Variants in CNTNAP4 observed in about 807,000 individuals in gnomAD.
CNTNAP4 encodes contactin associated protein family member 4.
A neutral mutation model predicts 148.4 loss-of-function variants in CNTNAP4; 98 were observed. The observed-to-expected ratio is 0.66, with a 90% CI of 0.56 to 0.78. The LOEUF is 0.78. Ranked by LOEUF, CNTNAP4 falls within the 30% of genes least tolerant of loss-of-function variation. The pLI is 0.00. For missense variants in CNTNAP4, 1,935 were observed against 1,565.6 expected (o/e 1.24, Z -3.98); for synonymous variants, 730 against 565.1 (o/e 1.29, Z -4.14).
At chr16:76,308,895 G>A (rs779879066) in intron 1 of CNTNAP4, among the ~76,000 whole-genome samples, 1 of 152,008 alleles carries the variant, frequency 6.6e-6, no homozygotes, top group Non-Finnish European at 1.5e-5. Context: ...TGCGATCATA[G>A]CTCAGGGCAG....
At chr16:76,361,614 T>C (rs2013448218) in intron 3 of CNTNAP4, among the ~76,000 whole-genome samples, 1 of 152,164 alleles carries the variant, frequency 6.6e-6, no homozygotes, top group South Asian at 2.1e-4. Context: ...AATGATGCAA[T>C]GAGTATGAGG....
intron 2 of CNTNAP4, among the ~76,000 whole-genome samples, chr16:76,319,337 G>A (rs569714627): frequency 3.9e-5 from 6 of 152,210 alleles, no homozygotes; most frequent in African/African-American, 1.2e-4. Context: ...GGTAACGTGA[G>A]CCAAGATTGT....
chr16:76,327,454 T>C (rs1443297172), intron 2 of CNTNAP4, among the ~76,000 whole-genome samples: 1 of 152,208 alleles, frequency 6.6e-6, no homozygotes, highest in Non-Finnish European at 1.5e-5. Context: ...CAGTCCATCA[T>C]TGATGGGTAC....
intron 3 of CNTNAP4, among the ~76,000 whole-genome samples, chr16:76,421,804 T>G (rs765721949): frequency 3.9e-5 from 6 of 152,148 alleles, no homozygotes; most frequent in Non-Finnish European, 8.8e-5. Flanking sequence ...TTTTCATGTT[T>G]CCCTGTTTCT....
At chr16:76,537,127 T>G (rs915040155) in intron 18 of CNTNAP4, among the ~76,000 whole-genome samples, 2 of 152,230 alleles carry the variant, frequency 1.3e-5, no homozygotes, top group African/African-American at 4.8e-5. Flanking sequence ...TAAGACCACT[T>G]CATTAAAATA....
At chr16:76,554,089 C>T (rs1299044394) in intron 23 of CNTNAP4, among the ~76,000 whole-genome samples, 182 bp downstream of exon 23, 1 of 152,232 alleles carries the variant, frequency 6.6e-6, no homozygotes, top group Admixed American at 6.5e-5. Context: ...TCTGAATTCT[C>T]TGCTTCCTTG....
intron 3 of CNTNAP4, among the ~76,000 whole-genome samples, chr16:76,421,840 C>T (rs545856942): frequency 6.6e-6 from 1 of 152,184 alleles, no homozygotes; most frequent in Admixed American, 6.6e-5. Context: ...TGGTGCTGCT[C>T]TTTATTTGGA....
intron 4 of CNTNAP4, among the ~76,000 whole-genome samples, chr16:76,440,551 A>G (rs2079993252): frequency 6.6e-6 from 1 of 152,126 alleles, no homozygotes; most frequent in South Asian, 2.1e-4. Context: ...GTACAATTCA[A>G]TATGCAATGG....
At chr16:76,299,381 G>A (rs958793190) in intron 1 of CNTNAP4, among the ~76,000 whole-genome samples, 18 of 152,296 alleles carry the variant, frequency 1.2e-4, no homozygotes, top group African/African-American at 4.3e-4. Context: ...GCAGCCGACA[G>A]ACACATGAAA....
At chr16:76,319,187 T>G (rs562027940) in intron 2 of CNTNAP4, among the ~76,000 whole-genome samples, 1 of 152,138 alleles carries the variant, frequency 6.6e-6, no homozygotes, top group East Asian at 1.9e-4. Context: ...CTCAGGAGTT[T>G]GAGATCAGCC....
At chr16:76,429,249 T>C (rs2079529182) in intron 4 of CNTNAP4, among the ~76,000 whole-genome samples, 1 of 152,160 alleles carries the variant, frequency 6.6e-6, no homozygotes, top group South Asian at 2.1e-4. Flanking sequence ...TGGACAGTAG[T>C]CTTATTTGTC....
At chr16:76,532,509 A>G (rs944424520) in intron 17 of CNTNAP4, among the ~76,000 whole-genome samples, 1 of 152,220 alleles carries the variant, frequency 6.6e-6, no homozygotes, top group Non-Finnish European at 1.5e-5. Flanking sequence ...GCAGAATGAG[A>G]TAAGCCTGTG....
At chr16:76,375,532 C>T (rs558754995) in intron 3 of CNTNAP4, among the ~76,000 whole-genome samples, 1 of 152,340 alleles carries the variant, frequency 6.6e-6, no homozygotes, top group Admixed American at 6.5e-5. Context: ...TGCGACTTTT[C>T]ACGTTCTAGC....
In CNTNAP4 at chr16:76,539,866, T is replaced by C. The variant is rs1323473273; in HGVS notation, c.3354+14T>C. ...GTCTTTATAGAGGTAATGTAGTAAATTCAGCAGAAGCAATCATTTTAATGA... is the reference window on the plus strand; with the variant it reads ...GTCTTTATAGAGGTAATGTAGTAAACTCAGCAGAAGCAATCATTTTAATGA... On this transcript the variant is annotated intron_variant, in intron 20 of 23. Transcript: ENST00000611870. 4 of 1,549,978 alleles carry C rather than the reference T, an allele frequency of 2.6e-6. No individual in the cohort carries two copies. The highest frequency in any genetic ancestry group is 3.5e-6 in the Non-Finnish European group (4 of 1,153,964).
intron 12 of CNTNAP4, among the ~76,000 whole-genome samples, chr16:76,485,266 C>T (rs2143727635): frequency 6.6e-6 from 1 of 151,792 alleles, no homozygotes; most frequent in East Asian, 1.9e-4. Flanking sequence ...TGCAGGCATG[C>T]ACCACCACGC....
intron 10 of CNTNAP4, among the ~76,000 whole-genome samples, chr16:76,474,437 T>C (rs1297821680): frequency 3.3e-5 from 5 of 152,172 alleles, no homozygotes; most frequent in African/African-American, 1.2e-4. Context: ...GAGAGGGGAA[T>C]GTTAGTACCA....
At chr16:76,361,975 G>T (rs546588793) in intron 3 of CNTNAP4, among the ~76,000 whole-genome samples, 28 of 152,172 alleles carry the variant, frequency 1.8e-4, no homozygotes, top group African/African-American at 6.3e-4. Flanking sequence ...TATCTTCTTT[G>T]GAGAACTGTC....
At chr16:76,328,116 C>T (rs6564323) in intron 2 of CNTNAP4, among the ~76,000 whole-genome samples, 11,718 of 152,226 alleles carry the variant, frequency 0.077, 755 homozygotes, top group East Asian at 0.23. Context: ...TAATTCTCTA[C>T]CTCTGAAGTG....
chr16:76,444,158 G>A (rs1211100922), intron 4 of CNTNAP4, among the ~76,000 whole-genome samples: 4 of 152,058 alleles, frequency 2.6e-5, no homozygotes, highest in Non-Finnish European at 4.4e-5. Flanking sequence ...AGGTAGATAC[G>A]CAAGAAGTTA....
Sources: gnomAD v4.1 joint callset for allele counts (sites outside exome capture counted in the v4.1 genomes callset) on GRCh38, gnomAD v4.1.1 for gene constraint, MANE v1.5 for transcripts, NCBI Gene and HGNC (gene_info 2026-07-23, HGNC 2026-07-21) for gene names.